Variants in GCG observed in about 807,000 individuals in gnomAD.
GCG encodes pro-glucagon.
A neutral mutation model predicts 22.8 loss-of-function variants in GCG; 11 were observed. That is an observed-to-expected ratio of 0.48 (90% confidence interval 0.30 to 0.80). The LOEUF is 0.80. Ranked by LOEUF, GCG falls within the 30% of genes least tolerant of loss-of-function variation. GCG has a pLI of 0.06. For missense variants in GCG, 222 were observed against 222.0 expected (o/e 1.00, Z 0.00); for synonymous variants, 89 against 72.4 (o/e 1.23, Z -1.16).
At position 162,148,541 on chromosome 2, in the gene GCG, T is replaced by C. The variant is rs1382202542; in HGVS notation, c.92+546A>G. ...TACAATGTTAAGATATTAAGCATGA[T>C]ACAAAGCCATATAATGAGCCAAGAG... On this transcript the variant is annotated intron_variant, in intron 2 of 5. Transcript: ENST00000418842. Among the ~76,000 whole-genome samples the C allele has an allele frequency of 2.6e-5, 4 of 152,214 alleles. No individual in the cohort carries two copies. In the East Asian group the frequency reaches 7.7e-4, roughly 29 times the overall value.
Position 162,149,186 on chromosome 2 carries a change from G to C in GCG, c.-8C>G, listed in dbSNP as rs377278314. 6.3e-7 allele frequency: 1 copy of C among 1,595,240 alleles called. No individual in the cohort carries two copies. Among genetic ancestry groups the C allele is most frequent in the East Asian group, 2.2e-5 (1 of 44,680 alleles). On this transcript the variant is annotated splice_region_variant and 5_prime_UTR_variant, in exon 2 of 6. Coordinates refer to ENST00000418842, the MANE Select transcript of GCG (RefSeq NM_002054.5). ...AAAGTAAATGCTTTTCATTTCTGCT[G>C]TCTGTCAGAACACAGAATGGGGGTA...
At position 162,147,527 on chromosome 2, in the gene GCG, G is replaced by A. The variant is rs773586493; in HGVS notation, c.93-13C>T. On this transcript the variant is annotated splice_polypyrimidine_tract_variant and intron_variant, in intron 2 of 5. Coordinates refer to ENST00000418842, the MANE Select transcript of GCG (RefSeq NM_002054.5). ...AGCTGAGAATGATCTGTGAAGAACA[G>A]TGATTGGTACAACATAAATCTCTCC... is the stretch of plus-strand genomic sequence containing the variant. 7.4e-6 allele frequency: 12 copies of A among 1,611,690 alleles called. No individual in the cohort carries two copies. The highest frequency in any genetic ancestry group is 6.7e-5 in the Admixed American group (4 of 59,952).
intron 3 of GCG, among the ~76,000 whole-genome samples, chr2:162,146,519 T>A (rs1181911500): frequency 6.7e-6 from 1 of 149,700 alleles, no homozygotes; most frequent in African/African-American, 2.5e-5. Context: ...CTGTTTCTCC[T>A]ATTCCTCCTG....
chr2:162,148,138 T>C (rs1192776418), intron 2 of GCG, among the ~76,000 whole-genome samples: 1 of 152,138 alleles, frequency 6.6e-6, no homozygotes, highest in Non-Finnish European at 1.5e-5. Flanking sequence ...TTTTTACCTA[T>C]GAAATTAGCA....
chr2:162,143,352 A>G lies in GCG; in HGVS notation c.*12T>C. 8.2e-7 allele frequency: 1 copy of G among 1,225,316 alleles called. No homozygotes were observed. Among genetic ancestry groups the G allele is most frequent in the Non-Finnish European group, 1.1e-6 (1 of 871,038 alleles). The allele number at this position is 1,225,316 out of a possible 1,614,324, so 75.9% of individuals were successfully genotyped here. A position where few individuals can be genotyped will look rare whatever the true frequency, so the allele number is the denominator to read the frequency against. On this transcript the variant is annotated 3_prime_UTR_variant, in exon 6 of 6. Transcript: ENST00000418842. ...GGTGATGTTGTGAAGATGATCTTGA[A>G]TAGTGATATAGTTATTTCCTAGAGA...
intron 1 of GCG, among the ~76,000 whole-genome samples, chr2:162,151,796 A>G (rs989857819): frequency 3.3e-5 from 5 of 152,186 alleles, no homozygotes. Context: ...TTCTGTTCAA[A>G]GTAGTATACA....
chr2:162,147,287 C>T, intron 3 of GCG, 66 bp downstream of exon 3: 1 of 1,189,708 alleles, frequency 8.4e-7, no homozygotes, highest in Non-Finnish European at 1.2e-6. Context: ...TTAATAATGT[C>T]AAGAGAAATT....
At position 162,147,469 on chromosome 2, in the gene GCG, C is replaced by T. The variant is rs1418417454; in HGVS notation, c.138G>A (p.Gln46=). 1 of 1,613,236 alleles carries T rather than the reference C, an allele frequency of 6.2e-7. No individual in the cohort carries two copies. Residue 46 remains glutamine, a synonymous_variant, in exon 3 of 6, where the codon CAG becomes CAA. Transcript: ENST00000418842. ...SQADPLSDPD[Q]MNEDKRHSQG... ...GTGAATGGCGCTTGTCCTCGTTCATCTGATCAGGATCACTGAGTGGGTCTG... is the reference window on the plus strand; with the variant it reads ...GTGAATGGCGCTTGTCCTCGTTCATTTGATCAGGATCACTGAGTGGGTCTG...
At position 162,147,457 on chromosome 2, in the gene GCG, G is replaced by T. The variant is rs1461309540; in HGVS notation, c.150C>A (p.Asp50Glu). Residue 50 changes from aspartate (D) to glutamate (E), a missense_variant, in exon 3 of 6, where the codon GAC becomes GAA. By Grantham distance (45) the Asp-to-Glu change is conservative (BLOSUM62 2). Coordinates refer to ENST00000418842, the MANE Select transcript of GCG (RefSeq NM_002054.5). ...TGAATGTGCCCTGTGAATGGCGCTT[G>T]TCCTCGTTCATCTGATCAGGATCAC... ...PLSDPDQMNE[D>E]KRHSQGTFTS... The T allele has an allele frequency of 6.2e-7, 1 of 1,613,050 alleles. No individual in the cohort carries two copies. The highest frequency in any genetic ancestry group is 8.5e-7 in the Non-Finnish European group (1 of 1,179,286).
intron 3 of GCG, among the ~76,000 whole-genome samples, chr2:162,146,786 C>T (rs761823562): frequency 1.3e-5 from 2 of 152,080 alleles, no homozygotes; most frequent in Admixed American, 6.6e-5. Context: ...ACCCAACACT[C>T]GTCAAAGAAA....
intron 5 of GCG, chr2:162,143,790 T>G: frequency 1.9e-6 from 1 of 519,170 alleles, no homozygotes; most frequent in East Asian, 3.2e-5. Flanking sequence ...TCTAGCTTCT[T>G]GACTCTAATA....
chr2:162,150,111 G>A (rs779993329), intron 1 of GCG, among the ~76,000 whole-genome samples: 1 of 152,062 alleles, frequency 6.6e-6, no homozygotes, highest in Non-Finnish European at 1.5e-5. Flanking sequence ...GTGTCGACGG[G>A]GACTGGGACC....
intron 3 of GCG, among the ~76,000 whole-genome samples, chr2:162,146,377 T>C (rs1249498404): frequency 6.6e-6 from 1 of 152,120 alleles, no homozygotes; most frequent in Admixed American, 6.6e-5. Flanking sequence ...GTTGTTTGCA[T>C]TTTTATAAAT....
At chr2:162,143,793 C>A in intron 5 of GCG, 1 of 525,654 alleles carries the variant, frequency 1.9e-6, no homozygotes, top group Non-Finnish European at 3.4e-6. Context: ...AGCTTCTTGA[C>A]TCTAATAGAC....
In GCG at chr2:162,149,124, A is replaced by T. The variant is rs758342503; in HGVS notation, c.55T>A (p.Trp19Arg). Residue 19 changes from tryptophan (W) to arginine (R), a missense_variant, in exon 2 of 6, where the codon TGG becomes AGG. Transcript: ENST00000418842. ...GLFVMLVQGS[W>R]QRSLQDTEEK... ...TCTGTGTCTTGAAGGGAACGTTGCC[A>T]GCTGCCTTGTACCAGCATTACAAAT... 1 of 1,612,610 alleles carries T rather than the reference A, an allele frequency of 6.2e-7. No homozygotes were observed. Among genetic ancestry groups the T allele is most frequent in the Non-Finnish European group, 8.5e-7 (1 of 1,178,838 alleles).
At chr2:162,144,478 A>G in intron 4 of GCG, 1 of 252,492 alleles carries the variant, frequency 4.0e-6, no homozygotes, top group South Asian at 7.2e-5. Context: ...ATTAGTCTGT[A>G]ATTCAACTAA....
rs1303328174 is a variant in GCG, at chr2:162,144,042, G to C, written c.521C>G (p.Thr174Ser). Residue 174 changes from threonine to serine, a missense_variant, in exon 5 of 6, where the codon ACC becomes AGC. Coordinates refer to ENST00000418842, the MANE Select transcript of GCG (RefSeq NM_002054.5). Reference protein sequence around the residue: ...ARDFINWLIQTKITDRK With the variant: ...ARDFINWLIQSKITDRK ...AAGCAGTCACCTGTCAGTGATTTTG[G>C]TCTGAATCAACCAGTTTATAAAGTC... 6.2e-7 allele frequency: 1 copy of C among 1,612,960 alleles called. No individual in the cohort carries two copies. Among genetic ancestry groups the C allele is most frequent in the Non-Finnish European group, 8.5e-7 (1 of 1,179,238 alleles).
chr2:162,146,312 T>C (rs1361638463), intron 3 of GCG, among the ~76,000 whole-genome samples: 2 of 152,136 alleles, frequency 1.3e-5, no homozygotes, highest in African/African-American at 4.8e-5. Context: ...AGTGTGAGGA[T>C]TGCTTTACAT....
At chr2:162,151,394 T>A (rs984290516) in intron 1 of GCG, among the ~76,000 whole-genome samples, 1 of 152,178 alleles carries the variant, frequency 6.6e-6, no homozygotes, top group Non-Finnish European at 1.5e-5. Context: ...ATTTACTCCA[T>A]CAAAGATCTT....
Sources: gnomAD v4.1 joint callset for allele counts (sites outside exome capture counted in the v4.1 genomes callset) on GRCh38, gnomAD v4.1.1 for gene constraint, MANE v1.5 for transcripts, NCBI Gene and HGNC (gene_info 2026-07-23, HGNC 2026-07-21) for gene names.